SLC24A2: variants seen among roughly 807,000 people sequenced by gnomAD.
SLC24A2 encodes the protein sodium/potassium/calcium exchanger 2.
A neutral mutation model predicts 62.0 loss-of-function variants in SLC24A2; 36 were observed. That is an observed-to-expected ratio of 0.58 (90% CI 0.44 to 0.77). The LOEUF is 0.77. Ranked by LOEUF, SLC24A2 falls within the 30% of genes least tolerant of loss-of-function variation. The probability of loss-of-function intolerance (pLI) is 0.00; values close to 1 mark genes in which losing one functional copy is unlikely to be tolerated. For missense variants in SLC24A2, 846 were observed against 817.9 expected, an observed-to-expected ratio of 1.03 and a Z score of -0.42; for synonymous variants, 358 against 294.0, an observed-to-expected ratio of 1.22 and a Z score of -2.23.
chr9:19,807,118 G>A, the SLC24A2 span, among the ~76,000 whole-genome samples: 2 of 152,176 alleles, frequency 1.3e-5, no homozygotes, highest in African/African-American at 4.8e-5. Flanking sequence ...AAAAAGAAAT[G>A]AAAAGTGGAC....
At chr9:19,581,171 C>CA (rs1295053832) in intron 5 of SLC24A2, among the ~76,000 whole-genome samples, 1 of 152,180 alleles carries the variant, frequency 6.6e-6, no homozygotes, top group Non-Finnish European at 1.5e-5. Flanking sequence ...TTTAAGCATA[C>CA]AGGGCCTTGT....
At chr9:19,850,224 A>G in the SLC24A2 span, among the ~76,000 whole-genome samples, 3 of 152,144 alleles carry the variant, frequency 2.0e-5, no homozygotes, top group Admixed American at 2.0e-4. Flanking sequence ...ATAAAGTAGC[A>G]TACAGTATTA....
the SLC24A2 span, among the ~76,000 whole-genome samples, chr9:20,022,651 C>T: frequency 2.6e-5 from 4 of 152,212 alleles, no homozygotes; most frequent in East Asian, 5.8e-4. Flanking sequence ...ATCTCTGCTG[C>T]TTCTCTCTCA....
intron 8 of SLC24A2, among the ~76,000 whole-genome samples, chr9:19,546,374 G>A (rs1357372269): frequency 7.9e-5 from 12 of 151,856 alleles, no homozygotes. Context: ...TTTTTTCAGT[G>A]ATGCCCTTGC....
chr9:19,633,314 C>CAA (rs1410476282), intron 2 of SLC24A2, among the ~76,000 whole-genome samples: 2 of 152,076 alleles, frequency 1.3e-5, no homozygotes, highest in African/African-American at 4.8e-5. Context: ...GATATATGCC[C>CAA]AAGAGTACAA....
At chr9:20,042,568 T>G in the SLC24A2 span, among the ~76,000 whole-genome samples, 1 of 152,148 alleles carries the variant, frequency 6.6e-6, no homozygotes, top group African/African-American at 2.4e-5. Context: ...TCCTTCTGGG[T>G]CCTAGGCCTT....
intron 5 of SLC24A2, among the ~76,000 whole-genome samples, chr9:19,586,413 T>C (rs1301351353): frequency 1.3e-5 from 2 of 152,202 alleles, no homozygotes; most frequent in African/African-American, 4.8e-5. Context: ...CTCAGATTTT[T>C]CGCTATATGA....
At chr9:19,669,567 T>C (rs1027994058) in intron 2 of SLC24A2, among the ~76,000 whole-genome samples, 1 of 152,230 alleles carries the variant, frequency 6.6e-6, no homozygotes, top group African/African-American at 2.4e-5. Flanking sequence ...AAGCAAAGTC[T>C]CTGCAGGGCT....
At chr9:19,526,498 C>G (rs895698733) in intron 9 of SLC24A2, among the ~76,000 whole-genome samples, 1 of 152,144 alleles carries the variant, frequency 6.6e-6, no homozygotes, top group Non-Finnish European at 1.5e-5. Flanking sequence ...TTCTATACAT[C>G]CTCATCAACA....
chr9:19,839,389 C>G, the SLC24A2 span, among the ~76,000 whole-genome samples: 1 of 152,192 alleles, frequency 6.6e-6, no homozygotes, highest in African/African-American at 2.4e-5. Context: ...GGGATGATTT[C>G]TATTAGGTGT....
the SLC24A2 span, among the ~76,000 whole-genome samples, chr9:20,175,265 C>A: frequency 6.6e-6 from 1 of 151,730 alleles, no homozygotes; most frequent in African/African-American, 2.4e-5. Flanking sequence ...GGATAAAAAA[C>A]GACAAATTGG....
chr9:19,714,324 C>T (rs904774027), intron 2 of SLC24A2, among the ~76,000 whole-genome samples: 4 of 152,002 alleles, frequency 2.6e-5, no homozygotes, highest in African/African-American at 4.8e-5. Flanking sequence ...GTGCAGCACT[C>T]GCAGAACCAT....
chr9:20,161,350 C>A, the SLC24A2 span, among the ~76,000 whole-genome samples: 1 of 151,132 alleles, frequency 6.6e-6, no homozygotes, highest in Admixed American at 6.6e-5. Flanking sequence ...TTTTAGAGCA[C>A]AGAAAATTAA....
the SLC24A2 span, among the ~76,000 whole-genome samples, chr9:20,011,035 G>A: frequency 6.6e-6 from 1 of 152,148 alleles, no homozygotes; most frequent in African/African-American, 2.4e-5. Flanking sequence ...TTGGTTCCAG[G>A]TCTTTGCTAT....
the SLC24A2 span, among the ~76,000 whole-genome samples, chr9:20,267,780 T>A: frequency 1.3e-5 from 2 of 152,210 alleles, no homozygotes; most frequent in East Asian, 3.9e-4. Flanking sequence ...CAATTTTTTT[T>A]AATTTCATGT....
At chr9:19,779,240 T>C (rs1163172954) in intron 2 of SLC24A2, among the ~76,000 whole-genome samples, 4 of 152,070 alleles carry the variant, frequency 2.6e-5, no homozygotes, top group South Asian at 2.1e-4. Flanking sequence ...GAGGCACTAA[T>C]CCTCAAAATC....
chr9:20,080,608 A>G, the SLC24A2 span, among the ~76,000 whole-genome samples: 7 of 152,218 alleles, frequency 4.6e-5, no homozygotes, highest in African/African-American at 1.2e-4. Flanking sequence ...AATGGCAACA[A>G]AAGCCAAAAT....
the SLC24A2 span, among the ~76,000 whole-genome samples, chr9:20,070,362 T>C: frequency 6.6e-6 from 1 of 152,342 alleles, no homozygotes; most frequent in Non-Finnish European, 1.5e-5. Flanking sequence ...TGGCTGGCAA[T>C]TGTACAAGTA....
chr9:20,145,154 C>A, the SLC24A2 span, among the ~76,000 whole-genome samples: 3 of 152,196 alleles, frequency 2.0e-5, no homozygotes, highest in South Asian at 6.2e-4. Context: ...TGGCAAATTC[C>A]AACTCAAGAG....
Sources: gnomAD v4.1 joint callset for allele counts (sites outside exome capture counted in the v4.1 genomes callset) on GRCh38, gnomAD v4.1.1 for gene constraint, MANE v1.5 for transcripts, NCBI Gene and HGNC (gene_info 2026-07-23, HGNC 2026-07-21) for gene names.